The following MCTP2 variants were observed in gnomAD, a reference collection of about 807,000 sequenced individuals.
MCTP2 encodes the protein multiple C2 and transmembrane domain-containing protein 2.
In MCTP2, 132 loss-of-function variants were observed where a neutral mutation model predicts 111.6. The ratio of observed to expected loss-of-function variants is 1.18; its 90% CI spans 1.03 to 1.37. MCTP2 has a LOEUF of 1.37. MCTP2 is among the 40% of genes most tolerant of loss of function. The pLI, the probability that MCTP2 is intolerant of heterozygous loss-of-function variation, is 0.00. For missense variants in MCTP2, 1,183 were observed against 1,067.9 expected, an observed-to-expected ratio of 1.11 and a Z score of -1.50; for synonymous variants, 395 against 387.7, an observed-to-expected ratio of 1.02 and a Z score of -0.22.
intron 18 of MCTP2, 48 bp downstream of exon 18, chr15:94,440,346 TAAC>T (rs769396059): frequency 1.9e-6 from 3 of 1,608,014 alleles, no homozygotes; most frequent in East Asian, 4.5e-5. Context: ...AGAAATGTGT[TAAC>T]AACAAACTAC....
At chr15:94,332,687 A>ATTTTT (rs2077183042) in intron 4 of MCTP2, among the ~76,000 whole-genome samples, 2 of 152,034 alleles carry the variant, frequency 1.3e-5, no homozygotes, top group African/African-American at 2.4e-5. Flanking sequence ...TTGATTAGAA[A>ATTTTT]ATTTTTCAAG....
At chr15:94,464,229 T>TTATATATATAATATATA (rs2085385470) in intron 20 of MCTP2, among the ~76,000 whole-genome samples, 1 of 88,296 alleles carries the variant, frequency 1.1e-5, no homozygotes, top group African/African-American at 4.8e-5. Flanking sequence ...TATTATATGT[T>TTATATATATAATATATA]TATATATATA....
At chr15:94,257,989 A>G (rs1019022259) in intron 1 of MCTP2, among the ~76,000 whole-genome samples, 2 of 147,976 alleles carry the variant, frequency 1.4e-5, no homozygotes, top group Admixed American at 6.9e-5. Flanking sequence ...AGTTCAAGCA[A>G]TTCTCTTGTG....
intron 20 of MCTP2, among the ~76,000 whole-genome samples, chr15:94,461,922 A>C (rs1317315661): frequency 6.6e-6 from 1 of 152,212 alleles, no homozygotes; most frequent in Non-Finnish European, 1.5e-5. Context: ...ACATGTCAAA[A>C]GGGACAAAGG....
At chr15:94,332,433 T>C (rs2077172757) in intron 4 of MCTP2, among the ~76,000 whole-genome samples, 1 of 152,218 alleles carries the variant, frequency 6.6e-6, no homozygotes, top group Non-Finnish European at 1.5e-5. Flanking sequence ...CTTATTACTC[T>C]TACCCTATTA....
At chr15:94,281,590 CTTG>C (rs898512145) in intron 1 of MCTP2, among the ~76,000 whole-genome samples, 70 of 152,004 alleles carry the variant, frequency 4.6e-4, no homozygotes, top group Non-Finnish European at 5.9e-5. Context: ...CAGGTTTGAT[CTTG>C]TTGTTGTGAT....
At chr15:94,409,324 C>T (rs1048557647) in intron 17 of MCTP2, among the ~76,000 whole-genome samples, 3 of 152,100 alleles carry the variant, frequency 2.0e-5, no homozygotes, top group Non-Finnish European at 4.4e-5. Flanking sequence ...TCTCCTTGCT[C>T]CTCAGCCTGC....
intron 21 of MCTP2, among the ~76,000 whole-genome samples, chr15:94,476,103 G>A (rs1250180099): frequency 6.6e-6 from 1 of 152,188 alleles, no homozygotes; most frequent in Non-Finnish European, 1.5e-5. Context: ...GTTCTGCTGT[G>A]AGAGGAGAGA....
intron 1 of MCTP2, among the ~76,000 whole-genome samples, chr15:94,281,639 T>C (rs1323257618): frequency 1.3e-5 from 2 of 152,196 alleles, no homozygotes; most frequent in Non-Finnish European, 2.9e-5. Flanking sequence ...ACTGTGCAGT[T>C]GTTTTATAGT....
intron 10 of MCTP2, among the ~76,000 whole-genome samples, chr15:94,365,598 C>T (rs187276465): frequency 1.6e-4 from 24 of 152,298 alleles, no homozygotes; most frequent in African/African-American, 5.3e-4. Context: ...TATGGTAATA[C>T]TGCTCACAGC....
rs926541836 is a variant in MCTP2, at chr15:94,481,961, C to T, written c.*2927C>T. ...TATTTTGTGTGATATTATTTATAAT[C>T]CCTGACTATGTCAATTATAAACTTT... On this transcript the variant is annotated 3_prime_UTR_variant, in exon 23 of 23. Transcript: ENST00000357742. The T allele has an allele frequency of 6.6e-6, 1 of 152,116 alleles. No homozygotes were observed. Among genetic ancestry groups the T allele is most frequent in the Non-Finnish European group, 1.5e-5 (1 of 68,008 alleles). The allele number at this position is 152,116 out of a possible 1,614,324, so 9.4% of individuals were successfully genotyped here. A position where few individuals can be genotyped will look rare whatever the true frequency, so the allele number is the denominator to read the frequency against.
intron 17 of MCTP2, among the ~76,000 whole-genome samples, chr15:94,403,748 C>G (rs576350910): frequency 6.6e-6 from 1 of 152,316 alleles, no homozygotes; most frequent in Admixed American, 6.5e-5. Context: ...GAGCTTCATG[C>G]CTCGGAGCAG....
chr15:94,337,548 G>C (rs2077421290), intron 4 of MCTP2, among the ~76,000 whole-genome samples: 1 of 137,956 alleles, frequency 7.2e-6, no homozygotes, highest in African/African-American at 2.8e-5. Flanking sequence ...CGCCAGAGGT[G>C]TTCTCTTCTG....
chr15:94,347,914 A>G (rs1457600317), intron 8 of MCTP2, among the ~76,000 whole-genome samples: 1 of 150,354 alleles, frequency 6.7e-6, no homozygotes, highest in Non-Finnish European at 1.5e-5. Flanking sequence ...ACACACACAC[A>G]CACATACACT....
intron 1 of MCTP2, among the ~76,000 whole-genome samples, chr15:94,275,720 A>G (rs113740274): frequency 6.6e-6 from 1 of 152,186 alleles, no homozygotes; most frequent in African/African-American, 2.4e-5. Flanking sequence ...ACTTAAATCA[A>G]TTTAACCTTT....
At chr15:94,404,842 C>T (rs2081821713) in intron 17 of MCTP2, among the ~76,000 whole-genome samples, 1 of 152,082 alleles carries the variant, frequency 6.6e-6, no homozygotes. Flanking sequence ...ATCCTCAAGC[C>T]CAGGCTCTCC....
intron 20 of MCTP2, among the ~76,000 whole-genome samples, chr15:94,469,562 A>C (rs1161966933): frequency 6.6e-6 from 1 of 152,190 alleles, no homozygotes; most frequent in East Asian, 1.9e-4. Context: ...CAAAACCACC[A>C]ATGCCATGTA....
At chr15:94,438,688 A>G (rs540711601) in intron 17 of MCTP2, among the ~76,000 whole-genome samples, 335 of 152,266 alleles carry the variant, frequency 2.2e-3, no homozygotes, top group Middle Eastern at 0.014. Flanking sequence ...TTGCTGGACA[A>G]ATTTTTGTTT....
chr15:94,317,754 A>G (rs927914766), intron 4 of MCTP2, among the ~76,000 whole-genome samples: 1 of 152,162 alleles, frequency 6.6e-6, no homozygotes. Flanking sequence ...TGTGGCTTTC[A>G]TCTTTCAGAA....
Sources: gnomAD v4.1 joint callset for allele counts (sites outside exome capture counted in the v4.1 genomes callset) on GRCh38, gnomAD v4.1.1 for gene constraint, MANE v1.5 for transcripts, NCBI Gene and HGNC (gene_info 2026-07-23, HGNC 2026-07-21) for gene names.